Variants in TEKT3 observed in about 807,000 individuals in gnomAD.
TEKT3 encodes tektin 3, also known as tektin-3.
Under a neutral mutation model 49.8 loss-of-function variants are expected in TEKT3, and 49 were observed. The observed-to-expected ratio is 0.98, with a 90% CI of 0.78 to 1.25. TEKT3 has a LOEUF of 1.25. Ranked by LOEUF, TEKT3 falls within the 50% of genes most tolerant of loss-of-function variation. The pLI, the probability that TEKT3 is intolerant of heterozygous loss-of-function variation, is 0.00. For synonymous variants in TEKT3, 225 were observed against 237.2 expected (o/e 0.95, Z 0.47); for missense variants, 595 against 629.5 (o/e 0.95, Z 0.59).
At chr17:15,326,372 A>C (rs558535093) in intron 4 of TEKT3, among the ~76,000 whole-genome samples, 1 of 152,320 alleles carries the variant, frequency 6.6e-6, no homozygotes, top group South Asian at 2.1e-4. Flanking sequence ...CTGAGAAATG[A>C]GGAGGGAGTC....
At chr17:15,326,594 G>A (rs1761102320) in intron 4 of TEKT3, among the ~76,000 whole-genome samples, 1 of 152,146 alleles carries the variant, frequency 6.6e-6, no homozygotes, top group South Asian at 2.1e-4. Context: ...CGGGCAGCAA[G>A]CCATGGTGAT....
chr17:15,315,003 G>A (rs1335267247), intron 5 of TEKT3, among the ~76,000 whole-genome samples: 1 of 152,116 alleles, frequency 6.6e-6, no homozygotes, highest in Non-Finnish European at 1.5e-5. Context: ...GATGACAGGT[G>A]AGCCACATGG....
intron 3 of TEKT3, among the ~76,000 whole-genome samples, chr17:15,330,743 T>C (rs1835112158): frequency 6.6e-6 from 1 of 152,196 alleles, no homozygotes; most frequent in Non-Finnish European, 1.5e-5. Context: ...AAACATTGTG[T>C]GTCCTAATGG....
chr17:15,308,184 C>T (rs944865733), intron 8 of TEKT3, among the ~76,000 whole-genome samples: 2 of 152,106 alleles, frequency 1.3e-5, no homozygotes, highest in African/African-American at 4.8e-5. Context: ...TTTTCTGTCG[C>T]GTTCCCCATG....
chr17:15,324,954 T>TG (rs35546918), intron 4 of TEKT3, among the ~76,000 whole-genome samples: 103,027 of 152,024 alleles, frequency 0.68, 35,667 homozygotes, highest in African/African-American at 0.81. Flanking sequence ...TTTTGTATGT[T>TG]TGATTTGGAA....
intron 4 of TEKT3, among the ~76,000 whole-genome samples, chr17:15,323,241 G>A (rs1032015652): frequency 3.9e-5 from 6 of 152,196 alleles, no homozygotes; most frequent in East Asian, 3.8e-4. Context: ...CTCAACAAAC[G>A]TCTGAGGCTG....
chr17:15,321,100 C>G (rs918149972), intron 4 of TEKT3, among the ~76,000 whole-genome samples: 1 of 151,922 alleles, frequency 6.6e-6, no homozygotes, highest in East Asian at 1.9e-4. Flanking sequence ...AGCTCCACCC[C>G]CCGGGTTCAC....
chr17:15,312,490 G>GAGAAGC lies in TEKT3; in HGVS notation c.879-15_879-10dup. 1 of 1,613,108 alleles carries GAGAAGC rather than the reference G, an allele frequency of 6.2e-7. No individual in the cohort carries two copies. The highest frequency in any genetic ancestry group is 8.5e-7 in the Non-Finnish European group (1 of 1,179,240). ...ACTCAGGCACTGAGACACTGAAAAA[G>GAGAAGC]AGAAGCAGAAGCAGACAACAGTGAG... is the stretch of plus-strand genomic sequence containing the variant. On this transcript the variant is annotated splice_polypyrimidine_tract_variant and intron_variant, in intron 6 of 8. Coordinates refer to ENST00000395930, the MANE Select transcript of TEKT3 (RefSeq NM_031898.3).
intron 6 of TEKT3, among the ~76,000 whole-genome samples, chr17:15,313,179 T>C (rs1910843956): frequency 6.6e-6 from 1 of 152,242 alleles, no homozygotes; most frequent in Non-Finnish European, 1.5e-5. Context: ...TTATGGTACA[T>C]TCAAAAAAGT....
At chr17:15,326,674 A>C (rs1911505304) in intron 4 of TEKT3, among the ~76,000 whole-genome samples, 1 of 152,226 alleles carries the variant, frequency 6.6e-6, no homozygotes. Context: ...AATGTGAACC[A>C]GAAGAAAAAA....
chr17:15,312,428 G>A lies in TEKT3; in HGVS notation c.932C>T (p.Ser311Phe), dbSNP rs766025666. The change falls in exon 7 of 9, where the codon TCC becomes TTC. Residue 311 changes from serine to phenylalanine, a missense_variant. Coordinates refer to ENST00000395930, the MANE Select transcript of TEKT3 (RefSeq NM_031898.3). Reference protein sequence around the residue: ...AKFTDDNILRSQSERAASAKL... With the variant: ...AKFTDDNILRFQSERAASAKL... ...AGCGGAAGCTGCCCGTTCACTCTGG[G>A]AGCGGAGAATATTGTCATCTGTAAA... The A allele has an allele frequency of 2.5e-6, 4 of 1,614,042 alleles. No homozygotes were observed. Among genetic ancestry groups the A allele is most frequent in the Admixed American group, 3.3e-5 (2 of 59,996 alleles).
At chr17:15,338,507 CT>C (rs765406866) in intron 2 of TEKT3, 218 of 139,472 alleles carry the variant, frequency 1.6e-3, no homozygotes, top group Admixed American at 1.9e-3. Context: ...TCAGTCAATT[CT>C]TTTTTTTTTT....
intron 2 of TEKT3, among the ~76,000 whole-genome samples, chr17:15,334,055 G>A (rs767614903): frequency 5.9e-5 from 9 of 151,340 alleles, no homozygotes; most frequent in South Asian, 2.1e-4. Flanking sequence ...GAGCCACCAC[G>A]CCCAGCTGGT....
chr17:15,312,452 A>C lies in TEKT3; in HGVS notation c.908T>G (p.Phe303Cys). The C allele has an allele frequency of 6.2e-7, 1 of 1,614,120 alleles. No homozygotes were observed. Among genetic ancestry groups the C allele is most frequent in the Non-Finnish European group, 8.5e-7 (1 of 1,180,022 alleles). The stretch of plus-strand genomic sequence containing the variant: ...GGAGCGGAGAATATTGTCATCTGTA[A>C]ATTTGGCCCAGGACTCAGGCACTGA... The part of the protein sequence containing the change: ...TVSVPESWAK[F>C]TDDNILRSQS... Residue 303 changes from phenylalanine to cysteine, a missense_variant, in exon 7 of 9, where the codon TTT becomes TGT. By Grantham distance (205) the Phe-to-Cys change is radical (BLOSUM62 -2). Transcript: ENST00000395930.
chr17:15,308,634 C>T (rs1303609785), intron 8 of TEKT3, 30 bp downstream of exon 8: 7 of 1,590,476 alleles, frequency 4.4e-6, no homozygotes, highest in African/African-American at 1.3e-5. Context: ...GCCCTCCGAG[C>T]GAGCCCCGAG....
intron 2 of TEKT3, among the ~76,000 whole-genome samples, chr17:15,333,923 C>T (rs576758885): frequency 1.3e-5 from 2 of 151,658 alleles, no homozygotes; most frequent in African/African-American, 2.4e-5. Flanking sequence ...CCACCATGCC[C>T]GGCTAATTTT....
At chr17:15,332,892 T>C (rs1256716622) in intron 2 of TEKT3, among the ~76,000 whole-genome samples, 1 of 152,202 alleles carries the variant, frequency 6.6e-6, no homozygotes, top group African/African-American at 2.4e-5. Context: ...AGATTTTTCC[T>C]ATTCATATAC....
At chr17:15,308,880 C>A in intron 7 of TEKT3, 62 bp from the exon 8 acceptor site, 1 of 1,579,722 alleles carries the variant, frequency 6.3e-7, no homozygotes, top group East Asian at 2.3e-5. Context: ...ACCCGCCTCC[C>A]ACCTCTTGCC....
Position 15,304,093 on chromosome 17 carries a change from C to G in TEKT3, c.1316G>C (p.Arg439Thr). 6.2e-7 allele frequency: 1 copy of G among 1,614,158 alleles called. No individual in the cohort carries two copies. The highest frequency in any genetic ancestry group is 8.5e-7 in the Non-Finnish European group (1 of 1,180,028). ...DTIQTLQQRL[R>T]DAEDTLQSLV... ...CGACTGCAGGGTGTCCTCTGCATCC[C>G]TCAGGCGCTGCTGCAGGGTCTGGAT... Residue 439 changes from arginine to threonine, a missense_variant, in exon 9 of 9, where the codon AGG becomes ACG. Coordinates refer to ENST00000395930, the MANE Select transcript of TEKT3 (RefSeq NM_031898.3). The surrounding 1 kb of genome is among the most constrained non-coding windows in gnomAD (Gnocchi z 4.7).
Sources: allele counts gnomAD v4.1 joint callset (sites outside exome capture counted in the v4.1 genomes callset), GRCh38; gene constraint gnomAD v4.1.1; non-coding constraint Gnocchi (gnomAD v3.1); transcripts MANE v1.5; gene names NCBI Gene and HGNC (gene_info 2026-07-23, HGNC 2026-07-21).